The following MED23 variants were observed in gnomAD, a reference collection of about 807,000 sequenced individuals.
The protein encoded by MED23 is mediator of RNA polymerase II transcription subunit 23.
A neutral mutation model predicts 163.9 loss-of-function variants in MED23; 105 were observed. The ratio of observed to expected loss-of-function variants is 0.64; its 90% CI spans 0.55 to 0.75. The LOEUF (loss-of-function observed/expected upper bound fraction) is 0.75. MED23 is among the 30% of genes least tolerant of loss of function. The pLI, the probability that MED23 is intolerant of heterozygous loss-of-function variation, is 0.00. For synonymous variants in MED23, 561 were observed against 565.6 expected (o/e 0.99, Z 0.12); for missense variants, 1,054 against 1,649.0 (o/e 0.64, Z 6.25).
In MED23 at chr6:131,628,142, TG is replaced by T. The variant is rs1777657980; in HGVS notation, c.-94del. 1.4e-6 allele frequency: 2 copies of T among 1,456,568 alleles called. No individual in the cohort carries two copies. The highest frequency in any genetic ancestry group is 3.3e-5 in the Admixed American group (2 of 59,758). The allele number at this position is 1,456,568 out of a possible 1,614,324, so 90.2% of individuals were successfully genotyped here. A position where few individuals can be genotyped will look rare whatever the true frequency, so the allele number is the denominator to read the frequency against. The stretch of plus-strand genomic sequence containing the variant: ...ATAGGGGCAGAGGGGCGGAGACCTC[TG>T]GAGGAAACCGTAGCTCCTCGGCGTC... On this transcript the variant is annotated 5_prime_UTR_variant, in exon 1 of 29. Coordinates refer to ENST00000368068, the MANE Select transcript of MED23 (RefSeq NM_004830.4).
intron 22 of MED23, 21 bp from the exon 23 acceptor site, chr6:131,594,356 C>T (rs1329028569): frequency 6.5e-7 from 1 of 1,538,042 alleles, no homozygotes; most frequent in East Asian, 2.2e-5. Flanking sequence ...AAAAACATAC[C>T]ACCACAATGT....
chr6:131,602,114 C>T, intron 17 of MED23, 104 bp downstream of exon 17: 1 of 1,335,456 alleles, frequency 7.5e-7, no homozygotes, highest in Non-Finnish European at 1.1e-6. Flanking sequence ...TTTTTTCAAA[C>T]AAATGAAAAG....
chr6:131,621,979 C>G lies in MED23; in HGVS notation c.397G>C (p.Gly133Arg). 6.2e-7 allele frequency: 1 copy of G among 1,607,990 alleles called. No individual in the cohort carries two copies. The highest frequency in any genetic ancestry group is 8.5e-7 in the Non-Finnish European group (1 of 1,174,714). Reference sequence around the variant, plus strand: ...ATCACTTTTAAGAGATCTCGAACACCCTGATATAAGAAAAAAGACATGGGT... The same window carrying G: ...ATCACTTTTAAGAGATCTCGAACACGCTGATATAAGAAAAAAGACATGGGT... ...RKIIGGVDYK[G>R]VRDLLKVILE... Residue 133 changes from glycine (G) to arginine (R), a missense_variant and splice_region_variant, in exon 6 of 29, where the codon GGT becomes CGT. Coordinates refer to ENST00000368068, the MANE Select transcript of MED23 (RefSeq NM_004830.4).
downstream of MED23, chr6:131,583,560 A>G (rs1774049251): frequency 6.9e-7 from 1 of 1,456,284 alleles, no homozygotes; most frequent in Non-Finnish European, 9.0e-7. Flanking sequence ...TACCTCCTTG[A>G]CCTGAAACCA....
At chr6:131,592,549 A>G (rs1020614500) in intron 24 of MED23, 89 bp from the exon 25 acceptor site, 2 of 1,125,398 alleles carry the variant, frequency 1.8e-6, no homozygotes, top group East Asian at 2.4e-5. Context: ...GAATATGTCT[A>G]ATTCAGAGGA....
At chr6:131,577,768 G>A (rs1773691959) in intron 30 of MED23, among the ~76,000 whole-genome samples, 1 of 151,892 alleles carries the variant, frequency 6.6e-6, no homozygotes, top group Non-Finnish European at 1.5e-5. Flanking sequence ...AGCTGGGCGT[G>A]GTGGCATGAG....
downstream of MED23, among the ~76,000 whole-genome samples, chr6:131,582,179 T>C (rs1181432327): frequency 3.9e-5 from 6 of 152,128 alleles, no homozygotes; most frequent in South Asian, 6.2e-4. Flanking sequence ...GCCTAGTACA[T>C]GGGAAAAACT....
rs775638241 is a variant in MED23 at position 131,581,209 on chromosome 6, T to C, written c.4095+6500A>G. 8.1e-6 allele frequency: 13 copies of C among 1,613,648 alleles called. No individual in the cohort carries two copies. The South Asian group carries it at 1.3e-4, about 16-fold the overall frequency. On this transcript the variant is annotated intron_variant, in intron 30 of 30. Coordinates refer to the MED23 transcript ENST00000354577. The stretch of plus-strand genomic sequence containing the variant: ...AACCTGATGTTCACACAAAATTTTT[T>C]CCCCAAAAGTTTGGCAATTGGAAGC...
At chr6:131,582,591 C>T (rs765556316), downstream of MED23, 2 of 1,556,826 alleles carry the variant, frequency 1.3e-6, no homozygotes, top group South Asian at 1.1e-5. Flanking sequence ...GAGAATCATA[C>T]ATAACCAAGT....
intron 16 of MED23, 119 bp downstream of exon 16, chr6:131,602,904 GAAGTTTT>G (rs1431043383): frequency 1.0e-6 from 1 of 962,452 alleles, no homozygotes; most frequent in Non-Finnish European, 1.5e-6. Flanking sequence ...TAGAAGCAGA[GAAGTTTT>G]ATGACAGATG....
chr6:131,599,848 T>C (rs899527687), intron 18 of MED23, among the ~76,000 whole-genome samples, 190 bp downstream of exon 18: 4 of 151,856 alleles, frequency 2.6e-5, no homozygotes, highest in Admixed American at 6.6e-5. Context: ...GCTCAAGCCA[T>C]CCCCCTTGCC....
At chr6:131,605,146 T>C in intron 14 of MED23, 94 bp downstream of exon 14, 3 of 1,358,272 alleles carry the variant, frequency 2.2e-6, no homozygotes, top group African/African-American at 1.4e-5. Flanking sequence ...TACCTGACTA[T>C]GAAATAATAC....
chr6:131,590,180 C>T (rs1436859150), intron 27 of MED23, 142 bp downstream of exon 27: 2 of 706,722 alleles, frequency 2.8e-6, no homozygotes, highest in East Asian at 2.9e-5. Context: ...CAAACTAAGT[C>T]CTCTAAAATT....
At chr6:131,626,171 G>A (rs1777489583) in intron 3 of MED23, among the ~76,000 whole-genome samples, 1 of 150,990 alleles carries the variant, frequency 6.6e-6, no homozygotes, top group Non-Finnish European at 1.5e-5. Flanking sequence ...AAACACTGCT[G>A]GTGGAAGCAT....
At chr6:131,601,293 A>G (rs1775459938) in intron 17 of MED23, among the ~76,000 whole-genome samples, 1 of 152,234 alleles carries the variant, frequency 6.6e-6, no homozygotes, top group Non-Finnish European at 1.5e-5. Context: ...TAAACTTTGC[A>G]GTGATATTAA....
At chr6:131,591,956 G>C (rs1774674314) in intron 25 of MED23, 1 of 228,834 alleles carries the variant, frequency 4.4e-6, no homozygotes, top group African/African-American at 2.3e-5. Context: ...ATAGGCTTTA[G>C]AGAAGGTGAT....
At chr6:131,619,795 A>G (rs1294454069) in intron 8 of MED23, 32 bp downstream of exon 8, 3 of 1,457,994 alleles carry the variant, frequency 2.1e-6, no homozygotes. Context: ...AAAATCAGGT[A>G]CTATTTGGCA....
chr6:131,609,381 A>G (rs1257357373), intron 11 of MED23, among the ~76,000 whole-genome samples: 1 of 151,870 alleles, frequency 6.6e-6, no homozygotes, highest in Non-Finnish European at 1.5e-5. Flanking sequence ...CCCTTTCTAA[A>G]TGATGGTTTT....
intron 11 of MED23, 46 bp from the exon 12 acceptor site, chr6:131,608,117 A>G: frequency 6.2e-7 from 1 of 1,601,320 alleles, no homozygotes; most frequent in Non-Finnish European, 8.5e-7. Flanking sequence ...CTACTTAAAG[A>G]GATGAATACA....
Sources: gnomAD v4.1 joint callset for allele counts (sites outside exome capture counted in the v4.1 genomes callset) on GRCh38, gnomAD v4.1.1 for gene constraint, MANE v1.5 for transcripts, NCBI Gene and HGNC (gene_info 2026-07-23, HGNC 2026-07-21) for gene names.